The following GPR107 variants were observed in gnomAD, a reference collection of about 807,000 sequenced individuals.
The protein encoded by GPR107 is protein GPR107.
Under a neutral mutation model 75.5 loss-of-function variants are expected in GPR107, and 31 were observed. The observed-to-expected ratio is 0.41, with a 90% confidence interval of 0.31 to 0.55. The LOEUF is 0.55. Among genes scored for constraint, GPR107 ranks in the 20% least tolerant of loss-of-function variants. GPR107 has a pLI of 0.26. For synonymous variants in GPR107, 267 were observed against 251.3 expected, an observed-to-expected ratio of 1.06 and a Z score of -0.59; for missense variants, 572 against 665.7, an observed-to-expected ratio of 0.86 and a Z score of 1.55.
At chr9:130,075,540 C>G in intron 1 of GPR107, 96 bp from the exon 2 acceptor site, 1 of 684,620 alleles carries the variant, frequency 1.5e-6, no homozygotes, top group Non-Finnish European at 2.6e-6. Flanking sequence ...GCCACCGTGC[C>G]CAGCCTGATA....
chr9:130,096,619 C>T (rs1405884472), intron 9 of GPR107, among the ~76,000 whole-genome samples: 1 of 151,998 alleles, frequency 6.6e-6, no homozygotes, highest in Non-Finnish European at 1.5e-5. Flanking sequence ...AGGCGCCTGC[C>T]ACCATGCCCG....
intron 17 of GPR107, among the ~76,000 whole-genome samples, chr9:130,133,857 A>G (rs1831889314): frequency 6.6e-6 from 1 of 152,152 alleles, no homozygotes; most frequent in Admixed American, 6.5e-5. Flanking sequence ...TAGCACCATA[A>G]TGGCAAGAAT....
chr9:130,109,821 G>A (rs901908814), intron 14 of GPR107, among the ~76,000 whole-genome samples: 17 of 152,104 alleles, frequency 1.1e-4, no homozygotes, highest in African/African-American at 3.9e-4. Context: ...CACCTGCCTC[G>A]GCCTCCCAAA....
chr9:130,119,120 A>C (rs1028917497), intron 14 of GPR107, among the ~76,000 whole-genome samples: 1 of 152,160 alleles, frequency 6.6e-6, no homozygotes, highest in Non-Finnish European at 1.5e-5. Context: ...TTGGAAGAAC[A>C]ATGGAGGGAG....
intron 1 of GPR107, among the ~76,000 whole-genome samples, chr9:130,074,316 C>T (rs1830287868): frequency 6.6e-6 from 1 of 152,144 alleles, no homozygotes; most frequent in Admixed American, 6.6e-5. Flanking sequence ...TCCTCACAGG[C>T]CTTTGGTGTT....
At position 130,088,070 on chromosome 9, in the gene GPR107, T is replaced by G. The variant is rs1457463285; in HGVS notation, c.621+1594T>G. Among the ~76,000 whole-genome samples the G allele has an allele frequency of 2.0e-5, 3 of 152,308 alleles. No homozygotes were observed. In the East Asian group the frequency reaches 5.8e-4, roughly 29 times the overall value. ...TTTCGTCGCCATCCTTATTAATAGCTAACGGTTATTGAGAACTTGCAGGGT... is the reference window on the plus strand; with the variant it reads ...TTTCGTCGCCATCCTTATTAATAGCGAACGGTTATTGAGAACTTGCAGGGT... On this transcript the variant is annotated intron_variant, in intron 7 of 17. Coordinates refer to ENST00000347136, the MANE Select transcript of GPR107 (RefSeq NM_020960.5).
intron 17 of GPR107, chr9:130,129,303 T>C (rs1831763216): frequency 6.6e-6 from 1 of 152,578 alleles, no homozygotes; most frequent in Non-Finnish European, 1.5e-5. Flanking sequence ...AGGGCCATCA[T>C]TGTCTAGAAA....
chr9:130,103,985 A>G lies in GPR107; in HGVS notation c.1132-435A>G, dbSNP rs2132614440. On this transcript the variant is annotated intron_variant, in intron 12 of 17. Transcript: ENST00000347136. This position sits in a 1 kb window ranked among gnomAD's most constrained non-coding sequence, Gnocchi z 4.3. ...GGAGCATCTTGAAGTCTCCACTCGC[A>G]TCTGTCTTCTGGGCTGAGAAGCTTG... is the stretch of plus-strand genomic sequence containing the variant. Among the ~76,000 whole-genome samples, 2 of 152,254 alleles carry G rather than the reference A, an allele frequency of 1.3e-5. No homozygotes were observed. The highest frequency in any genetic ancestry group is 3.9e-4 in the East Asian group (2 of 5,176).
chr9:130,099,589 C>A, intron 10 of GPR107, 57 bp downstream of exon 10: 1 of 945,722 alleles, frequency 1.1e-6, no homozygotes, highest in Non-Finnish European at 1.7e-6. Flanking sequence ...CCTGTGTGAG[C>A]AGGCAAAAGA....
At chr9:130,079,822 T>C in intron 5 of GPR107, 53 bp downstream of exon 5, 2 of 1,246,782 alleles carry the variant, frequency 1.6e-6, no homozygotes, top group Non-Finnish European at 1.1e-6. Context: ...GCTTTGTAGC[T>C]TTTTTGTTCC....
intron 10 of GPR107, among the ~76,000 whole-genome samples, chr9:130,099,868 CTTTTTTTTTTTT>C (rs71387314): frequency 6.7e-5 from 6 of 89,990 alleles, no homozygotes; most frequent in Non-Finnish European, 8.2e-5. Context: ...GTTTCCACGA[CTTTTTTTTTTTT>C]TTTTTTTTTT....
rs1832037916 is a variant in GPR107 at position 130,139,346 on chromosome 9, C to T, written c.*4225C>T. On this transcript the variant is annotated 3_prime_UTR_variant, in exon 18 of 18. Coordinates refer to ENST00000347136, the MANE Select transcript of GPR107 (RefSeq NM_020960.5). ...GCAGGGCGTTTTTAAAAGGCATCTACCTGAGTTGACGCTAATACTTGTCAC... is the reference window on the plus strand; with the variant it reads ...GCAGGGCGTTTTTAAAAGGCATCTATCTGAGTTGACGCTAATACTTGTCAC... 6.6e-6 allele frequency: 1 copy of T among 152,210 alleles called. No individual in the cohort carries two copies. Among genetic ancestry groups the T allele is most frequent in the Non-Finnish European group, 1.5e-5 (1 of 68,040 alleles). 9.4% of individuals were successfully genotyped at this position (152,210 alleles called of 1,614,324 possible). A position where few individuals can be genotyped will look rare whatever the true frequency, so the allele number is the denominator to read the frequency against.
chr9:130,119,608 C>A (rs748287816), intron 14 of GPR107, among the ~76,000 whole-genome samples: 1 of 152,084 alleles, frequency 6.6e-6, no homozygotes, highest in Admixed American at 6.5e-5. Flanking sequence ...GATGTTCAGT[C>A]GTGCAGGGCC....
At chr9:130,105,869 A>G (rs1339623441) in intron 13 of GPR107, among the ~76,000 whole-genome samples, 1 of 151,776 alleles carries the variant, frequency 6.6e-6, no homozygotes, top group Non-Finnish European at 1.5e-5. Flanking sequence ...CATGTTGCCC[A>G]GGCTGGTCTC....
At chr9:130,124,544 G>A (rs536269044) in intron 14 of GPR107, among the ~76,000 whole-genome samples, 1 of 152,326 alleles carries the variant, frequency 6.6e-6, no homozygotes, top group East Asian at 1.9e-4. Context: ...ACAGCTCTGT[G>A]CAGAGCTGAA....
rs1178805479 is a variant in GPR107, at chr9:130,138,575, A to G, written c.*3454A>G. ...CCTCCCTCCTCTTCCCTTCTCTGCCATCTTTCTCCCCGTGCCTATTGATCC... is the reference window on the plus strand; with the variant it reads ...CCTCCCTCCTCTTCCCTTCTCTGCCGTCTTTCTCCCCGTGCCTATTGATCC... On this transcript the variant is annotated 3_prime_UTR_variant, in exon 18 of 18. Transcript: ENST00000347136. 6.8e-6 allele frequency: 1 copy of G among 146,286 alleles called. No homozygotes were observed. Among genetic ancestry groups the G allele is most frequent in the Non-Finnish European group, 1.5e-5 (1 of 67,214 alleles). 9.1% of individuals were successfully genotyped at this position (146,286 alleles called of 1,614,324 possible).
chr9:130,102,455 C>T (rs1831055612), intron 12 of GPR107, among the ~76,000 whole-genome samples: 1 of 152,280 alleles, frequency 6.6e-6, no homozygotes, highest in South Asian at 2.1e-4. Context: ...TCCTGGGCTT[C>T]CCTGAAAGAC....
At position 130,086,486 on chromosome 9, in the gene GPR107, C is replaced by T. The variant is rs757371969; in HGVS notation, c.621+10C>T. On this transcript the variant is annotated intron_variant, in intron 7 of 17. Transcript: ENST00000347136. ...GGCAGTGTCATTTCAGGTATGTATG[C>T]TCTTTGTGTAAAGCCTCCTAGAATT... 6.8e-7 allele frequency: 1 copy of T among 1,472,208 alleles called. No individual in the cohort carries two copies. The allele number at this position is 1,472,208 out of a possible 1,614,324, so 91.2% of individuals were successfully genotyped here.
At position 130,103,635 on chromosome 9, in the gene GPR107, A is replaced by C. The variant is rs959519345; in HGVS notation, c.1132-785A>C. On this transcript the variant is annotated intron_variant, in intron 12 of 17. Coordinates refer to ENST00000347136, the MANE Select transcript of GPR107 (RefSeq NM_020960.5). The surrounding 1 kb of genome is among the most constrained non-coding windows in gnomAD (Gnocchi z 4.3). Reference sequence around the variant, plus strand: ...CCATGCTCACCCTCTGGTCTCTGAAAACACAGTTCCATTGTCTGGCACTTA... The same window carrying C: ...CCATGCTCACCCTCTGGTCTCTGAACACACAGTTCCATTGTCTGGCACTTA... Among the ~76,000 whole-genome samples the C allele has an allele frequency of 9.2e-5, 14 of 152,186 alleles. No individual in the cohort carries two copies. The highest frequency in any genetic ancestry group is 1.0e-4 in the Non-Finnish European group (7 of 68,042).
Sources: allele counts gnomAD v4.1 joint callset (sites outside exome capture counted in the v4.1 genomes callset), GRCh38; gene constraint gnomAD v4.1.1; non-coding constraint Gnocchi (gnomAD v3.1); transcripts MANE v1.5; gene names NCBI Gene and HGNC (gene_info 2026-07-23, HGNC 2026-07-21).